The following MKKS variants were observed in gnomAD, a reference collection of about 807,000 sequenced individuals.
MKKS encodes MKKS centrosomal shuttling protein, also known as molecular chaperone MKKS.
Under a neutral mutation model 33.2 loss-of-function variants are expected in MKKS, and 29 were observed. The ratio of observed to expected loss-of-function variants is 0.87; its 90% CI spans 0.65 to 1.19. The LOEUF is 1.19. Ranked by LOEUF, MKKS falls within the 50% of genes most tolerant of loss-of-function variation. MKKS has a pLI of 0.00. For missense variants in MKKS, 661 were observed against 662.3 expected, an observed-to-expected ratio of 1.00 and a Z score of 0.02; for synonymous variants, 260 against 244.0, an observed-to-expected ratio of 1.07 and a Z score of -0.61.
chr20:10,431,891 TTC>T (rs1418626790), intron 1 of MKKS: 16 of 152,004 alleles, frequency 1.1e-4, no homozygotes, highest in African/African-American at 3.9e-4. Context: ...CAGAGAGCCT[TTC>T]TCTCAGCACT....
chr20:10,402,864 T>A lies in MKKS; in HGVS notation c.*2383A>T, dbSNP rs6108544. 1 of 152,288 alleles carries A rather than the reference T, an allele frequency of 6.6e-6. No homozygotes were observed. Among genetic ancestry groups the A allele is most frequent in the African/African-American group, 2.4e-5 (1 of 41,552 alleles). The allele number at this position is 152,288 out of a possible 1,614,324, so 9.4% of individuals were successfully genotyped here. A position where few individuals can be genotyped will look rare whatever the true frequency, so the allele number is the denominator to read the frequency against. ...AGTAAATAATTTATTACAAATAAGC[T>A]TTTCCTCCTGCCTTTATTAGATAGC... On this transcript the variant is annotated 3_prime_UTR_variant, in exon 6 of 6. Transcript: ENST00000347364.
In MKKS at chr20:10,413,499, C is replaced by T. The variant is rs150920905; in HGVS notation, c.16G>A (p.Ala6Thr). ...CTCTTACACAATGATGGCTTCTTAG[C>T]TTCCAAACGAGACATCTTACTTCAG... MSRLE[A>T]KKPSLCKSEP... The change falls in exon 3 of 6, where the codon GCT becomes ACT. Residue 6 changes from alanine to threonine, a missense_variant. Physicochemically the swap from Ala to Thr is moderately conservative, Grantham distance 58. Transcript: ENST00000347364. 1,306 of 1,614,170 alleles carry T rather than the reference C, an allele frequency of 8.1e-4. 7 individuals carry two copies. In the African/African-American group the frequency reaches 0.015, roughly 18 times the overall value.
intron 1 of MKKS, among the ~76,000 whole-genome samples, chr20:10,426,913 T>C (rs1468235021): frequency 1.3e-5 from 2 of 152,122 alleles, no homozygotes; most frequent in African/African-American, 4.8e-5. Context: ...TAGTTCTCAG[T>C]ATAGAATGAC....
intron 1 of MKKS, among the ~76,000 whole-genome samples, chr20:10,427,263 A>G (rs1414763345): frequency 2.0e-5 from 3 of 152,142 alleles, no homozygotes; most frequent in Non-Finnish European, 4.4e-5. Flanking sequence ...AAATGTTCTC[A>G]TTTTGCCTAT....
At chr20:10,420,071 T>C (rs1422654361) in intron 2 of MKKS, among the ~76,000 whole-genome samples, 1 of 152,314 alleles carries the variant, frequency 6.6e-6, no homozygotes, top group Non-Finnish European at 1.5e-5. Flanking sequence ...ACCTAAATTA[T>C]ATAACTTCAT....
In MKKS at chr20:10,407,601, G is replaced by T; in HGVS notation, c.1272+15C>A. The T allele has an allele frequency of 6.2e-7, 1 of 1,603,952 alleles. No homozygotes were observed. Among genetic ancestry groups the T allele is most frequent in the Non-Finnish European group, 8.5e-7 (1 of 1,171,230 alleles). On this transcript the variant is annotated intron_variant, in intron 5 of 5. Coordinates refer to ENST00000347364, the MANE Select transcript of MKKS (RefSeq NM_170784.3). ...CTGAGAATTCAGGTAATCCGAAGAG[G>T]ATTATCTTACATACCTTGTGTCTGA...
chr20:10,408,086 G>C (rs2064855434), intron 4 of MKKS, among the ~76,000 whole-genome samples: 1 of 152,062 alleles, frequency 6.6e-6, no homozygotes, highest in Non-Finnish European at 1.5e-5. Flanking sequence ...AATTTATTTT[G>C]AATGGATTTG....
At chr20:10,424,331 G>C (rs1238858254) in intron 1 of MKKS, among the ~76,000 whole-genome samples, 2 of 152,004 alleles carry the variant, frequency 1.3e-5, no homozygotes, top group Admixed American at 1.3e-4. Context: ...TCAGGCAGGG[G>C]GACTGCTTGA....
chr20:10,416,666 CTGAATAGT>C (rs1051406674), intron 2 of MKKS, among the ~76,000 whole-genome samples: 52 of 152,242 alleles, frequency 3.4e-4, no homozygotes, highest in African/African-American at 1.2e-3. Context: ...TTTGGGGTAA[CTGAATAGT>C]TGACGATGGA....
chr20:10,410,457 C>A (rs1011495023), intron 3 of MKKS, among the ~76,000 whole-genome samples: 1 of 152,076 alleles, frequency 6.6e-6, no homozygotes. Context: ...ATGGTGAAAC[C>A]TGTCTCTACT....
At chr20:10,414,020 GC>G in intron 2 of MKKS, 89 bp from the exon 3 acceptor site, 1 of 389,006 alleles carries the variant, frequency 2.6e-6, no homozygotes, top group Non-Finnish European at 4.5e-6. Flanking sequence ...ATGCTCTGCT[GC>G]CTTTTTAGAA....
intron 1 of MKKS, among the ~76,000 whole-genome samples, chr20:10,432,383 C>T (rs1292834413): frequency 6.6e-6 from 1 of 152,222 alleles, no homozygotes; most frequent in African/African-American, 2.4e-5. Flanking sequence ...CAACCTAGGA[C>T]AATCTAGAAA....
At chr20:10,421,224 G>T (rs1025653720) in intron 1 of MKKS, among the ~76,000 whole-genome samples, 4 of 152,226 alleles carry the variant, frequency 2.6e-5, no homozygotes, top group African/African-American at 9.6e-5. Flanking sequence ...GAGGTCAGGA[G>T]TTCGAGACCA....
At chr20:10,407,535 A>G in intron 5 of MKKS, 81 bp downstream of exon 5, 3 of 1,140,148 alleles carry the variant, frequency 2.6e-6, no homozygotes, top group Non-Finnish European at 3.9e-6. Flanking sequence ...AGACTATAGG[A>G]TATTATGATT....
intron 2 of MKKS, among the ~76,000 whole-genome samples, chr20:10,418,411 A>G (rs2064956274): frequency 6.6e-6 from 1 of 152,206 alleles, no homozygotes; most frequent in South Asian, 2.1e-4. Context: ...GTAATTTTCC[A>G]TAATGAAAAT....
chr20:10,427,087 G>C (rs78489892), intron 1 of MKKS, among the ~76,000 whole-genome samples: 3,321 of 106,454 alleles, frequency 0.031, 113 homozygotes, highest in African/African-American at 0.11. Flanking sequence ...CACAAAGTAA[G>C]GTTAAGGGCA....
intron 2 of MKKS, among the ~76,000 whole-genome samples, chr20:10,417,698 A>T (rs1292526708): frequency 6.6e-6 from 1 of 152,226 alleles, no homozygotes; most frequent in Non-Finnish European, 1.5e-5. Context: ...CATCATCATC[A>T]AAAGTGGATC....
chr20:10,429,846 C>T (rs221664), intron 1 of MKKS, among the ~76,000 whole-genome samples: 124,571 of 152,136 alleles, frequency 0.82, 51,671 homozygotes, highest in African/African-American at 0.93. Flanking sequence ...TGGGAATTTA[C>T]TAGAAATGCA....
chr20:10,405,261 C>A lies in MKKS; in HGVS notation c.1699G>T (p.Glu567Ter). The part of the protein sequence containing the change: ...NLILDLSYVI[E>*]DKN ...ATGCTATTCTCTTAGTTTTTATCTTCAATAACATATGAAAGATCCAAAATC... is the reference window on the plus strand; with the variant it reads ...ATGCTATTCTCTTAGTTTTTATCTTAAATAACATATGAAAGATCCAAAATC... The change falls in exon 6 of 6, where the codon GAA becomes TAA. Residue 567 changes from glutamate to a stop codon, truncating the protein, a stop_gained. Coordinates refer to ENST00000347364, the MANE Select transcript of MKKS (RefSeq NM_170784.3). LOFTEE classifies it high-confidence loss of function. The A allele has an allele frequency of 6.2e-7, 1 of 1,611,406 alleles. No individual in the cohort carries two copies. Among genetic ancestry groups the A allele is most frequent in the South Asian group, 1.1e-5 (1 of 90,584 alleles).
Sources: allele counts gnomAD v4.1 joint callset (sites outside exome capture counted in the v4.1 genomes callset), GRCh38; gene constraint gnomAD v4.1.1; transcripts MANE v1.5; gene names NCBI Gene and HGNC (gene_info 2026-07-23, HGNC 2026-07-21).